PDE8B: variants seen among roughly 807,000 people sequenced by gnomAD.
PDE8B encodes the protein high affinity cAMP-specific and IBMX-insensitive 3',5'-cyclic phosphodiesterase 8B.
Under a neutral mutation model 101.3 loss-of-function variants are expected in PDE8B, and 26 were observed. The observed-to-expected ratio is 0.26, with a 90% confidence interval of 0.19 to 0.36. The LOEUF (loss-of-function observed/expected upper bound fraction) is 0.36. Ranked by LOEUF, PDE8B falls within the 10% of genes least tolerant of loss-of-function variation. PDE8B has a pLI of 1.00. For synonymous variants in PDE8B, 424 were observed against 429.3 expected (o/e 0.99, Z 0.15); for missense variants, 810 against 1,163.1 (o/e 0.70, Z 4.42).
At chr5:77,406,539 C>T (rs773328290) in intron 12 of PDE8B, among the ~76,000 whole-genome samples, 14 of 152,174 alleles carry the variant, frequency 9.2e-5, no homozygotes, top group African/African-American at 2.7e-4. Context: ...CTTTCCAGTA[C>T]GGGCACAGTG....
chr5:77,235,886 A>G (rs1230683661), intron 1 of PDE8B, among the ~76,000 whole-genome samples: 1 of 152,172 alleles, frequency 6.6e-6, no homozygotes, highest in East Asian at 1.9e-4. Flanking sequence ...ACCAAGAAAA[A>G]AAATTTAACA....
At chr5:77,194,409 A>G in the PDE8B span, among the ~76,000 whole-genome samples, 4 of 152,234 alleles carry the variant, frequency 2.6e-5, no homozygotes, top group Non-Finnish European at 4.4e-5. Flanking sequence ...ATGGTGAATC[A>G]CATTGACTTT....
intron 1 of PDE8B, among the ~76,000 whole-genome samples, chr5:77,274,379 C>T (rs1222266720): frequency 6.6e-6 from 1 of 152,124 alleles, no homozygotes; most frequent in Non-Finnish European, 1.5e-5. Context: ...CAAAGCTTTC[C>T]ACTGCTTCCT....
intron 2 of PDE8B, among the ~76,000 whole-genome samples, chr5:77,321,714 T>C (rs1402712173): frequency 6.6e-6 from 1 of 152,238 alleles, no homozygotes; most frequent in African/African-American, 2.4e-5. Flanking sequence ...AAATTTTCAC[T>C]TTGCTTAGGA....
chr5:77,340,030 AT>A (rs1361410099), intron 6 of PDE8B, among the ~76,000 whole-genome samples: 1 of 152,184 alleles, frequency 6.6e-6, no homozygotes, highest in Admixed American at 6.5e-5. Context: ...AATGATGACT[AT>A]TTATCTCTTC....
chr5:77,418,840 C>CGGG (rs1009733449), intron 18 of PDE8B, among the ~76,000 whole-genome samples: 1 of 152,126 alleles, frequency 6.6e-6, no homozygotes, highest in Non-Finnish European at 1.5e-5. Context: ...TCCCACAGAG[C>CGGG]GGGAGCACGA....
the PDE8B span, among the ~76,000 whole-genome samples, chr5:77,174,950 A>C: frequency 6.6e-6 from 1 of 152,224 alleles, no homozygotes; most frequent in Non-Finnish European, 1.5e-5. Context: ...AGGCCCAAGC[A>C]GAACTCTTGA....
At chr5:77,251,959 C>T (rs1414327739) in intron 1 of PDE8B, among the ~76,000 whole-genome samples, 1 of 152,202 alleles carries the variant, frequency 6.6e-6, no homozygotes, top group East Asian at 1.9e-4. Flanking sequence ...GGTTGTATTA[C>T]AGTCTGTAGC....
chr5:77,170,725 C>T, the PDE8B span, among the ~76,000 whole-genome samples: 1 of 152,144 alleles, frequency 6.6e-6, no homozygotes, highest in South Asian at 2.1e-4. Context: ...GAAAATATTT[C>T]TCCTCAAATA....
In PDE8B at chr5:77,356,529, A is replaced by C. The variant is rs925786420; in HGVS notation, c.1167+3123A>C. 2.6e-5 allele frequency among the ~76,000 whole-genome samples: 4 copies of C among 152,172 alleles called. No individual in the cohort carries two copies. In the East Asian group the frequency reaches 5.8e-4, roughly 22 times the overall value. ...ACTGCAACCTCCGCCTCCTGGGTTC[A>C]AGTGATTCTCCTGCCTCAGCCTCCC... On this transcript the variant is annotated intron_variant, in intron 10 of 21. Transcript: ENST00000264917.
the PDE8B span, among the ~76,000 whole-genome samples, chr5:77,152,844 T>C: frequency 6.6e-6 from 1 of 151,944 alleles, no homozygotes; most frequent in African/African-American, 2.4e-5. Context: ...GCATTGAGGA[T>C]GGGAAGGGGA....
At chr5:77,172,579 TTA>T in the PDE8B span, among the ~76,000 whole-genome samples, 1 of 152,216 alleles carries the variant, frequency 6.6e-6, no homozygotes, top group Middle Eastern at 3.2e-3. Flanking sequence ...ATTAGAACAC[TTA>T]TATCCCAACC....
Position 77,427,882 on chromosome 5 carries a change from CAG to C in PDE8B, c.*1332_*1333del, listed in dbSNP as rs941834418. ...TGCATTTTTAAAAGGTATAAACAAA[CAG>C]AGACTGAATTAATTGAATCAGTAAT... On this transcript the variant is annotated 3_prime_UTR_variant, in exon 22 of 22. Transcript: ENST00000264917. The C allele has an allele frequency of 3.3e-5, 5 of 152,234 alleles. No individual in the cohort carries two copies. Among genetic ancestry groups the C allele is most frequent in the South Asian group, 2.1e-4 (1 of 4,826 alleles). The allele number at this position is 152,234 out of a possible 1,614,324, so 9.4% of individuals were successfully genotyped here.
chr5:77,398,025 G>C (rs1409652079), intron 10 of PDE8B, among the ~76,000 whole-genome samples: 1 of 152,042 alleles, frequency 6.6e-6, no homozygotes, highest in African/African-American at 2.4e-5. Context: ...AGGAAAAAGA[G>C]ATTCTTCCCT....
At chr5:77,421,694 A>AG (rs1796678500) in intron 19 of PDE8B, 127 bp from the exon 20 acceptor site, 8 of 810,840 alleles carry the variant, frequency 9.9e-6, no homozygotes. Flanking sequence ...AAAAAGGAAA[A>AG]GCTGCCTTCG....
At chr5:77,333,479 T>C (rs1777537845) in intron 5 of PDE8B, among the ~76,000 whole-genome samples, 1 of 152,200 alleles carries the variant, frequency 6.6e-6, no homozygotes, top group East Asian at 1.9e-4. Context: ...TGGGACCTCA[T>C]GGAGTGTGAG....
intron 10 of PDE8B, among the ~76,000 whole-genome samples, chr5:77,359,823 C>T (rs146581432): frequency 1.9e-3 from 286 of 152,196 alleles, no homozygotes; most frequent in African/African-American, 6.7e-3. Flanking sequence ...GACTGCCGGG[C>T]GCAGTGGTTC....
the PDE8B span, among the ~76,000 whole-genome samples, chr5:77,159,453 C>G: frequency 1.3e-5 from 2 of 152,176 alleles, no homozygotes; most frequent in African/African-American, 4.8e-5. Context: ...CTGGATGCTT[C>G]CTGCCTTTGA....
upstream of PDE8B, among the ~76,000 whole-genome samples, chr5:77,205,530 TC>T (rs2112261436): frequency 6.6e-6 from 1 of 152,198 alleles, no homozygotes; most frequent in East Asian, 1.9e-4. Context: ...TCTGATTCTC[TC>T]CCTTTTAAAT....
Sources: gnomAD v4.1 joint callset for allele counts (sites outside exome capture counted in the v4.1 genomes callset) on GRCh38, gnomAD v4.1.1 for gene constraint, MANE v1.5 for transcripts, NCBI Gene and HGNC (gene_info 2026-07-23, HGNC 2026-07-21) for gene names.